The following PPFIA3 variants were observed in gnomAD, a reference collection of about 807,000 sequenced individuals.
The protein encoded by PPFIA3 is liprin-alpha-3.
Under a neutral mutation model 145.8 loss-of-function variants are expected in PPFIA3, and 26 were observed. That is an observed-to-expected ratio of 0.18 (90% confidence interval 0.13 to 0.25). PPFIA3 has a LOEUF of 0.25. Ranked by LOEUF, PPFIA3 falls within the 10% of genes least tolerant of loss-of-function variation. The pLI, the probability that PPFIA3 is intolerant of heterozygous loss-of-function variation, is 1.00. For missense variants in PPFIA3, 1,008 were observed against 1,587.8 expected, an observed-to-expected ratio of 0.63 and a Z score of 6.21; for synonymous variants, 645 against 661.4, an observed-to-expected ratio of 0.98 and a Z score of 0.38.
At chr19:49,135,950 C>A in intron 14 of PPFIA3, 27 bp downstream of exon 14, 1 of 1,570,190 alleles carries the variant, frequency 6.4e-7, no homozygotes, top group Non-Finnish European at 8.6e-7. Flanking sequence ...GGGTCCTGGA[C>A]TGAGCAGGGC....
At chr19:49,146,698 G>A (rs2041285216) in intron 23 of PPFIA3, among the ~76,000 whole-genome samples, 1 of 152,212 alleles carries the variant, frequency 6.6e-6, no homozygotes, top group South Asian at 2.1e-4. Context: ...AGGAGGCTGA[G>A]GTGGGCAGAT....
chr19:49,128,058 A>C lies in PPFIA3; in HGVS notation c.185A>C (p.Glu62Ala). The C allele has an allele frequency of 6.3e-7, 1 of 1,593,994 alleles. No homozygotes were observed. Among genetic ancestry groups the C allele is most frequent in the Non-Finnish European group, 8.5e-7 (1 of 1,177,922 alleles). Residue 62 changes from glutamate to alanine, a missense_variant, in exon 2 of 30, where the codon GAG (glutamate) becomes GCG (alanine). By Grantham distance (107) the Glu-to-Ala change is moderately radical. This residue lies in a region of PPFIA3 where 108 missense variants were observed against 144.3 expected (regional missense o/e 0.75). Coordinates refer to ENST00000334186, the MANE Select transcript of PPFIA3 (RefSeq NM_003660.4). This position sits in a 1 kb window ranked among gnomAD's most constrained non-coding sequence, Gnocchi z 4.1. Reference sequence around the variant, plus strand: ...GCTACAGCGCAGCTGCGGCTGCGCGAGCTCGGCCACGAGAAGGACTCGCTG... The same window carrying C: ...GCTACAGCGCAGCTGCGGCTGCGCGCGCTCGGCCACGAGAAGGACTCGCTG... ...GLATAQLRLR[E>A]LGHEKDSLQR...
At chr19:49,142,136 CCTGA>C (rs1370729598) in intron 20 of PPFIA3, 21 bp downstream of exon 20, 21 of 1,555,348 alleles carry the variant, frequency 1.4e-5, no homozygotes, top group Non-Finnish European at 1.7e-5. Context: ...CCAGAAATGC[CCTGA>C]CTGTTGGTCC....
At chr19:49,132,314 A>G (rs1345606866) in intron 7 of PPFIA3, among the ~76,000 whole-genome samples, 1 of 134,592 alleles carries the variant, frequency 7.4e-6, no homozygotes. Flanking sequence ...GTTTGAACCC[A>G]GGAGGTGGAG....
intron 5 of PPFIA3, 93 bp from the exon 6 acceptor site, chr19:49,129,900 G>T: frequency 1.5e-6 from 2 of 1,360,946 alleles, no homozygotes; most frequent in Non-Finnish European, 1.0e-6. Context: ...CTCATATGGG[G>T]CCGCCTATCC....
Position 49,140,061 on chromosome 19 carries a change from C to A in PPFIA3, c.2341C>A (p.Pro781Thr). 1.2e-6 allele frequency: 2 copies of A among 1,614,140 alleles called. No individual in the cohort carries two copies. Among genetic ancestry groups the A allele is most frequent in the Non-Finnish European group, 8.5e-7 (1 of 1,180,034 alleles). Residue 781 changes from proline (P) to threonine (T), a missense_variant, in exon 18 of 30, where the codon CCC (proline) becomes ACC (threonine). This residue lies in a region of PPFIA3 where 202 missense variants were observed against 241.8 expected (regional missense o/e 0.84). Coordinates refer to ENST00000334186, the MANE Select transcript of PPFIA3 (RefSeq NM_003660.4). ...CAAGAAAGAGAAGGGACGAATGGGA[C>A]CCCCAGGCCGGGACAGCTCTTCTCT... Reference protein sequence around the residue: ...FGKKEKGRMGPPGRDSSSLAG... With the variant: ...FGKKEKGRMGTPGRDSSSLAG...
Position 49,136,865 on chromosome 19 carries a change from G to T in PPFIA3, c.1807G>T (p.Ala603Ser). The T allele has an allele frequency of 1.3e-6, 2 of 1,580,648 alleles. No homozygotes were observed. The highest frequency in any genetic ancestry group is 1.7e-6 in the Non-Finnish European group (2 of 1,163,480). The change falls in exon 15 of 30, where the codon GCC (alanine) becomes TCC (serine). Residue 603 changes from alanine to serine, a missense_variant. This residue lies in a region of PPFIA3 where 6 missense variants were observed against 25.2 expected (regional missense o/e 0.24). Coordinates refer to ENST00000334186, the MANE Select transcript of PPFIA3 (RefSeq NM_003660.4). ...TGGGCAGGCTGACGTGCAGACGCTG[G>T]CCATCATGCTTCAGGAGCAGCTGGA... is the stretch of plus-strand genomic sequence containing the variant. Reference protein sequence around the residue: ...PSGQADVQTLAIMLQEQLEAI... With the variant: ...PSGQADVQTLSIMLQEQLEAI...
rs1201852702 is a variant in PPFIA3, at chr19:49,149,706, C to G, written c.3514C>G (p.Leu1172Val). 6.2e-7 allele frequency: 1 copy of G among 1,609,540 alleles called. No individual in the cohort carries two copies. The change falls in exon 28 of 30, where the codon CTG becomes GTG. Residue 1172 changes from leucine (L) to valine (V), a missense_variant. Leu to Val is a conservative substitution (Grantham distance 32, BLOSUM62 1). Transcript: ENST00000334186. The surrounding 1 kb of genome is among the most constrained non-coding windows in gnomAD (Gnocchi z 5.7). ...CTCTCCGGGGCTCCCTCTCCGCAAG[C>G]TGCAGCCAGAAGGTGGGGGGCTCCC... The part of the protein sequence containing the change: ...LGSPGLPLRK[L>V]QPEGQTSGSS...
At position 49,130,748 on chromosome 19, in the gene PPFIA3, GAAAT is replaced by G. The variant is rs1408334724; in HGVS notation, c.879+150_879+153del. The stretch of plus-strand genomic sequence containing the variant: ...GATTCAGTTTTCCCACCTGTGAAAG[GAAAT>G]GTATGATTCTCATCAGAGGGTGAGC... On this transcript the variant is annotated intron_variant, in intron 7 of 29. Coordinates refer to ENST00000334186, the MANE Select transcript of PPFIA3 (RefSeq NM_003660.4). This position sits in a 1 kb window ranked among gnomAD's most constrained non-coding sequence, Gnocchi z 4.5. 2.8e-6 allele frequency: 2 copies of G among 712,172 alleles called. No homozygotes were observed. Among genetic ancestry groups the G allele is most frequent in the African/African-American group, 3.6e-5 (2 of 55,962 alleles). 44.1% of individuals were successfully genotyped at this position (712,172 alleles called of 1,614,324 possible).
At chr19:49,139,137 C>A (rs746569307) in intron 16 of PPFIA3, among the ~76,000 whole-genome samples, 1 of 152,074 alleles carries the variant, frequency 6.6e-6, no homozygotes, top group Non-Finnish European at 1.5e-5. Flanking sequence ...TGAGGCCTGA[C>A]CAACATGGTG....
At position 49,133,652 on chromosome 19, in the gene PPFIA3, A is replaced by G. The variant is rs2122575133; in HGVS notation, c.1162-144A>G. On this transcript the variant is annotated intron_variant, in intron 9 of 29. Transcript: ENST00000334186. The surrounding 1 kb of genome is among the most constrained non-coding windows in gnomAD (Gnocchi z 7.2). ...GGTCCTGAAAAAGTGGACTAGGCGC[A>G]GGGGCGGGGCCTGACTCAAAGGTGC... 3 of 953,222 alleles carry G rather than the reference A, an allele frequency of 3.1e-6. No individual in the cohort carries two copies. The highest frequency in any genetic ancestry group is 2.1e-5 in the Admixed American group (1 of 47,696). 59.0% of individuals were successfully genotyped at this position (953,222 alleles called of 1,614,324 possible).
At position 49,133,716 on chromosome 19, in the gene PPFIA3, C is replaced by T; in HGVS notation, c.1162-80C>T. On this transcript the variant is annotated intron_variant, in intron 9 of 29. Transcript: ENST00000334186. The surrounding 1 kb of genome is among the most constrained non-coding windows in gnomAD (Gnocchi z 7.2). ...GGCGCTGTGGGGGCGGAGCCTGGCG[C>T]TCAGCCTTGGAGGAGGTGGGGCTGG... 5 of 1,455,332 alleles carry T rather than the reference C, an allele frequency of 3.4e-6. No individual in the cohort carries two copies. Among genetic ancestry groups the T allele is most frequent in the Non-Finnish European group, 4.8e-6 (5 of 1,049,250 alleles). The allele number at this position is 1,455,332 out of a possible 1,614,324, so 90.2% of individuals were successfully genotyped here. A position where few individuals can be genotyped will look rare whatever the true frequency, so the allele number is the denominator to read the frequency against.
At chr19:49,124,627 C>A (rs1263777658) in intron 1 of PPFIA3, among the ~76,000 whole-genome samples, 3 of 152,134 alleles carry the variant, frequency 2.0e-5, no homozygotes, top group Admixed American at 1.3e-4. Context: ...CGTCTATTCC[C>A]CACCCTGTAC....
At position 49,145,985 on chromosome 19, in the gene PPFIA3, C is replaced by T. The variant is rs2041275268; in HGVS notation, c.2788C>T (p.Leu930Phe). The change falls in exon 22 of 30, where the codon CTT (leucine) becomes TTT (phenylalanine). Residue 930 changes from leucine to phenylalanine, a missense_variant. Physicochemically the swap from Leu to Phe is conservative, Grantham distance 22. Around this residue, in one of 11 missense-constraint regions of PPFIA3, gnomAD observed 154 missense variants for 369.2 expected, o/e 0.42. Coordinates refer to ENST00000334186, the MANE Select transcript of PPFIA3 (RefSeq NM_003660.4). The stretch of plus-strand genomic sequence containing the variant: ...GATGACACACGAGGAGATGGAGTCC[C>T]TTACGGCCACGACCAAGCCCGTGAG... ...VWMTHEEMES[L>F]TATTKPETKE... The T allele has an allele frequency of 6.2e-7, 1 of 1,613,990 alleles. No homozygotes were observed. The highest frequency in any genetic ancestry group is 1.3e-5 in the African/African-American group (1 of 74,870).
chr19:49,150,297 T>C lies in PPFIA3; in HGVS notation c.*75T>C. On this transcript the variant is annotated 3_prime_UTR_variant, in exon 30 of 30. Transcript: ENST00000334186. ...GGGCTGTTCCCTCTCCTGCCCGGAC[T>C]GTGGCCTCGCCGGGGAGAGCGGGCG... 1 of 784,704 alleles carries C rather than the reference T, an allele frequency of 1.3e-6. No individual in the cohort carries two copies. The highest frequency in any genetic ancestry group is 2.0e-6 in the Non-Finnish European group (1 of 505,820). The allele number at this position is 784,704 out of a possible 1,614,324, so 48.6% of individuals were successfully genotyped here.
intron 16 of PPFIA3, among the ~76,000 whole-genome samples, chr19:49,139,016 A>C (rs1011140891): frequency 6.6e-6 from 1 of 151,962 alleles, no homozygotes; most frequent in African/African-American, 2.4e-5. Context: ...GAGAACTACA[A>C]ATTAGATCCT....
chr19:49,141,938 T>TGG, intron 19 of PPFIA3, 96 bp from the exon 20 acceptor site: 1 of 567,660 alleles, frequency 1.8e-6, no homozygotes, highest in Non-Finnish European at 2.6e-6. Context: ...CGTATGTGCA[T>TGG]GTGTGTGTGT....
At position 49,135,636 on chromosome 19, in the gene PPFIA3, C is replaced by T. The variant is rs967619776; in HGVS notation, c.1521-143C>T. 1.1e-5 allele frequency: 9 copies of T among 844,732 alleles called. No homozygotes were observed. In the Admixed American group the frequency reaches 2.2e-4, roughly 20 times the overall value. The allele number at this position is 844,732 out of a possible 1,614,324, so 52.3% of individuals were successfully genotyped here. A position where few individuals can be genotyped will look rare whatever the true frequency, so the allele number is the denominator to read the frequency against. On this transcript the variant is annotated intron_variant, in intron 13 of 29. Transcript: ENST00000334186. ...CTGCCCACCTCAGCCTCCCAAAGTG[C>T]TGGGATTGCAGGCTTGAGCCACCAG...
In PPFIA3 at chr19:49,150,949, C is replaced by G. The variant is rs559209298; in HGVS notation, c.*727C>G. The G allele has an allele frequency of 1.9e-4, 44 of 231,784 alleles. No individual in the cohort carries two copies. In the South Asian group the frequency reaches 6.8e-3, roughly 36 times the overall value. The allele number at this position is 231,784 out of a possible 1,614,324, so 14.4% of individuals were successfully genotyped here. ...GGGGCAGGGGGACGGTGGGGGAGCC[C>G]TCGCCCCCGACTCTCGGTCGGCCTC... On this transcript the variant is annotated 3_prime_UTR_variant, in exon 30 of 30. Coordinates refer to ENST00000334186, the MANE Select transcript of PPFIA3 (RefSeq NM_003660.4).
Sources: allele counts gnomAD v4.1 joint callset (sites outside exome capture counted in the v4.1 genomes callset), GRCh38; gene constraint gnomAD v4.1.1; regional missense constraint gnomAD v4.1.1; non-coding constraint Gnocchi (gnomAD v3.1); transcripts MANE v1.5; gene names NCBI Gene and HGNC (gene_info 2026-07-23, HGNC 2026-07-21).